Variants in SPATS2 observed in about 807,000 individuals in gnomAD.
The protein encoded by SPATS2 is spermatogenesis-associated serine-rich protein 2.
Under a neutral mutation model 63.7 loss-of-function variants are expected in SPATS2, and 38 were observed. That is an observed-to-expected ratio of 0.60 (90% CI 0.46 to 0.78). SPATS2 has a LOEUF of 0.78. Among genes scored for constraint, SPATS2 ranks in the 30% least tolerant of loss-of-function variants. The pLI is 0.00. For synonymous variants in SPATS2, 207 were observed against 232.9 expected (o/e 0.89, Z 1.01); for missense variants, 588 against 666.2 (o/e 0.88, Z 1.29).
chr12:49,421,437 A>C (rs1047852071), intron 2 of SPATS2, among the ~76,000 whole-genome samples: 3 of 150,994 alleles, frequency 2.0e-5, no homozygotes, highest in Non-Finnish European at 3.0e-5. Flanking sequence ...AAAAAAAAAA[A>C]AAAAAACAAC....
intron 5 of SPATS2, 58 bp from the exon 6 acceptor site, chr12:49,490,624 C>T (rs1946366220): frequency 6.6e-7 from 1 of 1,508,518 alleles, no homozygotes; most frequent in South Asian, 1.2e-5. Flanking sequence ...ACACTGACTC[C>T]TGCTTGACTA....
upstream of SPATS2, chr12:49,367,420 G>C (rs910973239): frequency 2.5e-6 from 1 of 398,496 alleles, no homozygotes; most frequent in African/African-American, 2.1e-5. Context: ...GGTGGGGGCG[G>C]GGCGGCGTCC....
intron 2 of SPATS2, among the ~76,000 whole-genome samples, chr12:49,410,114 C>G (rs982580056): frequency 1.3e-5 from 2 of 151,890 alleles, no homozygotes; most frequent in Non-Finnish European, 2.9e-5. Context: ...CTCGCTCTGT[C>G]GCCCAGGCTG....
At chr12:49,437,382 C>T (rs953648136) in intron 2 of SPATS2, among the ~76,000 whole-genome samples, 5 of 148,100 alleles carry the variant, frequency 3.4e-5, no homozygotes, top group East Asian at 4.0e-4. Context: ...ACATCCCAGA[C>T]GATGGGCGGC....
chr12:49,435,127 T>C (rs1483020943), intron 2 of SPATS2, among the ~76,000 whole-genome samples: 1 of 148,218 alleles, frequency 6.7e-6, no homozygotes, highest in Non-Finnish European at 1.5e-5. Flanking sequence ...TCCTCCCGGG[T>C]TCACGCCATT....
chr12:49,508,184 C>G (rs1946684405), intron 9 of SPATS2, among the ~76,000 whole-genome samples: 1 of 151,776 alleles, frequency 6.6e-6, no homozygotes, highest in Non-Finnish European at 1.5e-5. Context: ...GTTTCTGGAG[C>G]TTTTAGACAT....
intron 7 of SPATS2, among the ~76,000 whole-genome samples, chr12:49,495,794 A>G (rs1703392685): frequency 6.6e-6 from 1 of 152,216 alleles, no homozygotes; most frequent in South Asian, 2.1e-4. Flanking sequence ...CAGGAAGATG[A>G]TGATGTTGAT....
At chr12:49,458,483 G>T in intron 2 of SPATS2, among the ~76,000 whole-genome samples, 1 of 146,390 alleles carries the variant, frequency 6.8e-6, no homozygotes. Flanking sequence ...AAAAGGAAAA[G>T]AAAAAAAAAA....
At chr12:49,409,237 G>A (rs756703935) in intron 2 of SPATS2, among the ~76,000 whole-genome samples, 13 of 152,242 alleles carry the variant, frequency 8.5e-5, no homozygotes, top group East Asian at 5.8e-4. Flanking sequence ...GCATTTAGAG[G>A]ATAAATAGTA....
intron 2 of SPATS2, among the ~76,000 whole-genome samples, chr12:49,381,502 A>C (rs963842856): frequency 2.6e-5 from 4 of 152,358 alleles, no homozygotes; most frequent in Admixed American, 6.5e-5. Flanking sequence ...AAGAAATTAG[A>C]AACGTGTATA....
chr12:49,435,071 C>T (rs1380985502), intron 2 of SPATS2, among the ~76,000 whole-genome samples: 2 of 137,850 alleles, frequency 1.5e-5, no homozygotes, highest in Non-Finnish European at 3.0e-5. Flanking sequence ...CTGTCTGTCG[C>T]CCAGGTTGGA....
chr12:49,450,810 C>G (rs974625214), intron 2 of SPATS2, among the ~76,000 whole-genome samples: 10 of 151,940 alleles, frequency 6.6e-5, no homozygotes, highest in African/African-American at 2.2e-4. Context: ...TCCCGAAGTG[C>G]TGGAATTACA....
intron 2 of SPATS2, among the ~76,000 whole-genome samples, chr12:49,434,966 TATA>T (rs1464975730): frequency 1.3e-5 from 2 of 151,750 alleles, no homozygotes; most frequent in Non-Finnish European, 1.5e-5. Flanking sequence ...ATTTAATTAA[TATA>T]ATATAGTATT....
At chr12:49,366,898 G>T (rs1019590778), upstream of SPATS2, 1 of 151,866 alleles carries the variant, frequency 6.6e-6, no homozygotes, top group Non-Finnish European at 1.5e-5. Flanking sequence ...GCGCGCGCCG[G>T]GTCCCTAACC....
chr12:49,377,908 CTG>C (rs1944137046), intron 2 of SPATS2, among the ~76,000 whole-genome samples: 1 of 152,162 alleles, frequency 6.6e-6, no homozygotes, highest in Non-Finnish European at 1.5e-5. Context: ...GTTTCTGTAT[CTG>C]TAAAATGGAT....
intron 2 of SPATS2, among the ~76,000 whole-genome samples, chr12:49,436,602 G>A (rs548274509): frequency 7.5e-6 from 1 of 133,388 alleles, no homozygotes; most frequent in African/African-American, 2.8e-5. Context: ...TGGCCGGGCC[G>A]GGGGCTGACC....
At chr12:49,397,671 T>G (rs925951749) in intron 2 of SPATS2, among the ~76,000 whole-genome samples, 1 of 150,078 alleles carries the variant, frequency 6.7e-6, no homozygotes, top group Non-Finnish European at 1.5e-5. Flanking sequence ...CTACAAAAAA[T>G]AAAAAAAAGC....
chr12:49,467,437 G>A (rs542306962), intron 3 of SPATS2, among the ~76,000 whole-genome samples: 4 of 152,204 alleles, frequency 2.6e-5, no homozygotes, highest in Non-Finnish European at 4.4e-5. Context: ...CAGACTTGGG[G>A]AGTAATTCAA....
intron 9 of SPATS2, 140 bp downstream of exon 9, chr12:49,500,345 C>A: frequency 2.0e-6 from 2 of 977,336 alleles, no homozygotes; most frequent in Non-Finnish European, 2.9e-6. Context: ...GTATATTTAG[C>A]TTTCTGCTTT....
Sources: allele counts gnomAD v4.1 joint callset (sites outside exome capture counted in the v4.1 genomes callset), GRCh38; gene constraint gnomAD v4.1.1; transcripts MANE v1.5; gene names NCBI Gene and HGNC (gene_info 2026-07-23, HGNC 2026-07-21).